The following PTPRR variants were observed in gnomAD, a reference collection of about 807,000 sequenced individuals.
The protein encoded by PTPRR is protein tyrosine phosphatase receptor type R, also known as receptor-type tyrosine-protein phosphatase R.
A neutral mutation model predicts 77.2 loss-of-function variants in PTPRR; 38 were observed. That is an observed-to-expected ratio of 0.49 (90% CI 0.38 to 0.65). The LOEUF (loss-of-function observed/expected upper bound fraction) is 0.65, where lower values mean the gene tolerates loss of function less well. PTPRR is among the 30% of genes least tolerant of loss of function. The pLI, the probability that PTPRR is intolerant of heterozygous loss-of-function variation, is 0.00. For missense variants in PTPRR, 744 were observed against 799.2 expected, an observed-to-expected ratio of 0.93 and a Z score of 0.83; for synonymous variants, 299 against 283.1, an observed-to-expected ratio of 1.06 and a Z score of -0.57.
chr12:70,671,188 T>C (rs1176722176), intron 10 of PTPRR, among the ~76,000 whole-genome samples: 6 of 152,216 alleles, frequency 3.9e-5, no homozygotes, highest in Non-Finnish European at 7.3e-5. Context: ...TGAAGTCTAC[T>C]GTGTATTTCT....
chr12:70,653,871 C>T (rs759755127), intron 13 of PTPRR, among the ~76,000 whole-genome samples: 8 of 152,084 alleles, frequency 5.3e-5, no homozygotes, highest in South Asian at 4.1e-4. Context: ...GAATGTTAAT[C>T]GCCATGATGA....
chr12:70,823,284 G>C (rs961358171), intron 2 of PTPRR, among the ~76,000 whole-genome samples: 3 of 152,116 alleles, frequency 2.0e-5, no homozygotes, highest in Non-Finnish European at 2.9e-5. Flanking sequence ...AGGATGGCAG[G>C]CTCCTGAAAC....
chr12:70,910,854 G>A (rs1156509754), intron 1 of PTPRR, among the ~76,000 whole-genome samples: 4 of 152,108 alleles, frequency 2.6e-5, no homozygotes, highest in Admixed American at 6.5e-5. Context: ...ATTTTCAGAG[G>A]CACTGAAAGA....
intron 1 of PTPRR, among the ~76,000 whole-genome samples, chr12:70,913,472 T>C (rs749348601): frequency 3.9e-5 from 6 of 152,084 alleles, no homozygotes; most frequent in Non-Finnish European, 8.8e-5. Context: ...GGGTTAGGAG[T>C]TCCGGGTCCA....
At chr12:70,668,049 A>C (rs552301983) in intron 10 of PTPRR, among the ~76,000 whole-genome samples, 2 of 152,098 alleles carry the variant, frequency 1.3e-5, no homozygotes. Context: ...TGTCTTGTCT[A>C]TCTCCTCTTC....
chr12:70,745,685 T>G, intron 6 of PTPRR, 133 bp downstream of exon 6: 1 of 1,051,760 alleles, frequency 9.5e-7, no homozygotes. Flanking sequence ...GAAACACTAC[T>G]TCATCTGACT....
intron 1 of PTPRR, among the ~76,000 whole-genome samples, chr12:70,904,009 C>T (rs950989379): frequency 2.0e-5 from 3 of 151,714 alleles, no homozygotes; most frequent in Non-Finnish European, 4.4e-5. Flanking sequence ...TAGGAAAATG[C>T]ATATTAAAAA....
intron 2 of PTPRR, among the ~76,000 whole-genome samples, chr12:70,862,836 G>GTTTCT (rs1174880528): frequency 1.3e-5 from 2 of 151,944 alleles, no homozygotes; most frequent in African/African-American, 4.8e-5. Flanking sequence ...CAAAAAAGAA[G>GTTTCT]TACACCAGCC....
intron 2 of PTPRR, among the ~76,000 whole-genome samples, chr12:70,853,472 T>C (rs981211235): frequency 1.3e-5 from 2 of 152,252 alleles, no homozygotes; most frequent in Non-Finnish European, 2.9e-5. Flanking sequence ...TTAATGGACA[T>C]TGCTTAATGG....
chr12:70,718,231 C>T (rs10879188), intron 6 of PTPRR, among the ~76,000 whole-genome samples: 31,213 of 151,188 alleles, frequency 0.21, 3,635 homozygotes, highest in East Asian at 0.39. Flanking sequence ...AGCTATACTT[C>T]TAAGAGAGAT....
rs1885883821 is a variant in PTPRR, at chr12:70,639,060, A to T, written c.*124T>A. ...TATGTTGCCCAGTCTTCCACAATCC[A>T]TGCCATACATGGGCTTCAGAGCTTC... On this transcript the variant is annotated 3_prime_UTR_variant, in exon 14 of 14. Coordinates refer to ENST00000283228, the MANE Select transcript of PTPRR (RefSeq NM_002849.4). 1.3e-6 allele frequency: 1 copy of T among 770,118 alleles called. No individual in the cohort carries two copies. 47.7% of individuals were successfully genotyped at this position (770,118 alleles called of 1,614,324 possible). A position where few individuals can be genotyped will look rare whatever the true frequency, so the allele number is the denominator to read the frequency against.
At chr12:70,717,974 C>T (rs569266080) in intron 6 of PTPRR, among the ~76,000 whole-genome samples, 2 of 152,016 alleles carry the variant, frequency 1.3e-5, no homozygotes, top group African/African-American at 4.8e-5. Context: ...TGTAATAATG[C>T]TTATTGATTT....
chr12:70,816,376 A>T (rs546563054), intron 2 of PTPRR, among the ~76,000 whole-genome samples: 23 of 152,214 alleles, frequency 1.5e-4, no homozygotes, highest in African/African-American at 5.1e-4. Context: ...TAAAACAATA[A>T]CCTGGAATAG....
intron 6 of PTPRR, among the ~76,000 whole-genome samples, chr12:70,720,509 ATTTTTT>A (rs34611421): frequency 7.3e-6 from 1 of 136,830 alleles, no homozygotes; most frequent in Non-Finnish European, 1.6e-5. Context: ...TACCCTGGTA[ATTTTTT>A]TTTTTTTTTT....
At chr12:70,658,756 C>G (rs1341110636) in intron 12 of PTPRR, among the ~76,000 whole-genome samples, 1 of 148,638 alleles carries the variant, frequency 6.7e-6, no homozygotes, top group Non-Finnish European at 1.5e-5. Flanking sequence ...TTGATGAAGA[C>G]TATAAGCTTC....
chr12:70,704,453 C>T (rs961144719), intron 6 of PTPRR, among the ~76,000 whole-genome samples: 6 of 150,790 alleles, frequency 4.0e-5, no homozygotes, highest in Non-Finnish European at 8.9e-5. Context: ...ACATAAATAA[C>T]GAAAAAAAAA....
chr12:70,639,452 C>G (rs1169920574), intron 13 of PTPRR, 175 bp from the exon 14 acceptor site: 2 of 1,388,998 alleles, frequency 1.4e-6, no homozygotes, highest in African/African-American at 2.9e-5. Flanking sequence ...TCAAAGTTAA[C>G]ATGGTAATGT....
At chr12:70,914,478 A>T (rs1362500843) in intron 1 of PTPRR, among the ~76,000 whole-genome samples, 1 of 152,168 alleles carries the variant, frequency 6.6e-6, no homozygotes. Context: ...GATCATGGAG[A>T]GTGGAGAACA....
chr12:70,764,646 C>G lies in PTPRR; in HGVS notation c.471+19G>C, dbSNP rs376778832. ...ACACACGGCTTGAATTTTGGAAATG[C>G]GAAATGTGGGTATCTTACAATGAGG... On this transcript the variant is annotated intron_variant, in intron 3 of 13. Transcript: ENST00000283228. The G allele has an allele frequency of 1.9e-6, 3 of 1,585,482 alleles. No homozygotes were observed. The highest frequency in any genetic ancestry group is 2.6e-6 in the Non-Finnish European group (3 of 1,154,082).
Sources: gnomAD v4.1 joint callset for allele counts (sites outside exome capture counted in the v4.1 genomes callset) on GRCh38, gnomAD v4.1.1 for gene constraint, MANE v1.5 for transcripts, NCBI Gene and HGNC (gene_info 2026-07-23, HGNC 2026-07-21) for gene names.